Variants in PPP1R3F observed in about 807,000 individuals in gnomAD.
PPP1R3F encodes protein phosphatase 1, regulatory (inhibitor) subunit 3F.
PPP1R3F carries 29 observed loss-of-function variants against 24.2 expected under a neutral mutation model. The observed-to-expected ratio is 1.20, with a 90% CI of 0.89 to 1.63. The LOEUF is 1.63. Among genes scored for constraint, PPP1R3F ranks in the 40% most tolerant of loss-of-function variants. The probability of loss-of-function intolerance (pLI) is 0.00; values close to 1 mark genes in which losing one functional copy is unlikely to be tolerated. For missense variants in PPP1R3F, 823 were observed against 729.3 expected (o/e 1.13, Z -1.48); for synonymous variants, 363 against 340.1 (o/e 1.07, Z -0.74).
intron 3 of PPP1R3F, among the ~76,000 whole-genome samples, chrX:49,300,414 C>T (rs2066334058): frequency 9.3e-6 from 1 of 108,028 alleles, no homozygotes; most frequent in South Asian, 4.0e-4. Flanking sequence ...CACCTTCTGC[C>T]TTGATCTCAC....
rs1557121386 is a variant in PPP1R3F, at chrX:49,286,002, G to A, written c.1312G>A (p.Asp438Asn). The stretch of plus-strand genomic sequence containing the variant: ...CCCCAGAGACCAGGCCTCAGGGCCC[G>A]ATGCGAGCGAGGGGGCCACCGGGCC... ...GSPRDQASGP[D>N]ASEGATGPFL... Residue 438 changes from aspartate to asparagine, a missense_variant, in exon 4 of 4, where the codon GAT becomes AAT. Coordinates refer to ENST00000055335, the MANE Select transcript of PPP1R3F (RefSeq NM_033215.5). The A allele has an allele frequency of 8.4e-6, 10 of 1,186,619 alleles. No individual in the cohort carries two copies. The highest frequency in any genetic ancestry group is 9.1e-6 in the Non-Finnish European group (8 of 880,819).
chrX:49,292,387 T>G (rs782191706), downstream of PPP1R3F, among the ~76,000 whole-genome samples: 3 of 113,196 alleles, frequency 2.7e-5, no homozygotes, highest in Admixed American at 9.3e-5. Flanking sequence ...TTATAGGATT[T>G]TTCCACAAGA....
downstream of PPP1R3F, among the ~76,000 whole-genome samples, chrX:49,292,553 C>T (rs1162215272): frequency 1.8e-5 from 2 of 112,665 alleles, no homozygotes; most frequent in Non-Finnish European, 3.8e-5. Context: ...GCCACCAACC[C>T]CCCAGCCAGA....
In PPP1R3F at chrX:49,285,702, A is replaced by AT. The variant is rs1401082377; in HGVS notation, c.1144-127dup. 6.1e-6 allele frequency: 4 copies of AT among 656,029 alleles called. No homozygotes were observed. In the Middle Eastern group the frequency reaches 1.4e-3, roughly 223 times the overall value. The allele number at this position is 656,029 out of a possible 1,213,427, so 54.1% of individuals were successfully genotyped here. On this transcript the variant is annotated intron_variant, in intron 3 of 3. Transcript: ENST00000055335. ...ACAGTGACAGAGGGCGCTTTAAGGC[A>AT]TTTTTATATAGAAACCCCTGTGGGG...
chrX:49,279,576 T>C (rs1379734557), intron 1 of PPP1R3F, among the ~76,000 whole-genome samples: 1 of 111,479 alleles, frequency 9.0e-6, no homozygotes, highest in Non-Finnish European at 1.9e-5. Context: ...CCCTGATACT[T>C]GAGAGGCTGA....
At chrX:49,272,538 G>A (rs1557119480) in intron 1 of PPP1R3F, among the ~76,000 whole-genome samples, 1 of 112,543 alleles carries the variant, frequency 8.9e-6, no homozygotes, top group African/African-American at 3.2e-5. Context: ...CAGTATTTAG[G>A]GAGCCACACC....
intron 3 of PPP1R3F, among the ~76,000 whole-genome samples, chrX:49,296,006 T>C (rs782387818): frequency 8.9e-6 from 1 of 111,892 alleles, no homozygotes; most frequent in South Asian, 3.7e-4. Flanking sequence ...TGCCAGGTTT[T>C]GGTATCAGGA....
chrX:49,276,357 CCTT>C (rs782124952), intron 1 of PPP1R3F, among the ~76,000 whole-genome samples: 63 of 112,484 alleles, frequency 5.6e-4, no homozygotes, highest in Non-Finnish European at 7.1e-4. Flanking sequence ...ATTATCCCCT[CCTT>C]AGAGATGAGG....
intron 3 of PPP1R3F, among the ~76,000 whole-genome samples, chrX:49,293,598 AG>A (rs781957565): frequency 8.9e-6 from 1 of 112,764 alleles, no homozygotes; most frequent in African/African-American, 3.2e-5. Flanking sequence ...GAAAGAAGCC[AG>A]ATACAAAAGA....
At position 49,286,875 on chromosome X, in the gene PPP1R3F, GA is replaced by G; in HGVS notation, c.2189del (p.Lys730ArgfsTer16). ...CAGGCCTCATGTGAGCTCCCAGGAT[GA>G]AAAGGATGCAGGCCCAAGCCTTGAA... Reference protein sequence around the residue: ...VARPHVSSQDEKDAGPSLEPP... With the variant: ...VARPHVSSQDXKDAGPSLEPP... On this transcript the variant is annotated frameshift_variant, in exon 4 of 4. Coordinates refer to ENST00000055335, the MANE Select transcript of PPP1R3F (RefSeq NM_033215.5). LOFTEE classifies it high-confidence loss of function. 1.7e-6 allele frequency: 2 copies of G among 1,191,591 alleles called. No individual in the cohort carries two copies. Among genetic ancestry groups the G allele is most frequent in the Non-Finnish European group, 2.3e-6 (2 of 884,859 alleles).
chrX:49,292,568 GGCCAGCT>G (rs1471596014), downstream of PPP1R3F, among the ~76,000 whole-genome samples: 4 of 112,766 alleles, frequency 3.5e-5, no homozygotes, highest in Non-Finnish European at 5.6e-5. Flanking sequence ...GCCAGATCCT[GGCCAGCT>G]GCCAGCTCCG....
intron 3 of PPP1R3F, among the ~76,000 whole-genome samples, chrX:49,300,372 C>T (rs1440671225): frequency 4.5e-5 from 5 of 110,033 alleles, no homozygotes; most frequent in Non-Finnish European, 9.5e-5. Context: ...TGAGATGAGC[C>T]GGGTACCTCA....
At chrX:49,270,981 G>T in intron 1 of PPP1R3F, 108 bp downstream of exon 1, 6 of 821,632 alleles carry the variant, frequency 7.3e-6, no homozygotes, top group Non-Finnish European at 1.0e-5. Flanking sequence ...ACAGGGAGGA[G>T]GGTGCATTGA....
downstream of PPP1R3F, among the ~76,000 whole-genome samples, chrX:49,291,055 C>T (rs781789180): frequency 2.7e-5 from 3 of 112,206 alleles, no homozygotes; most frequent in East Asian, 2.8e-4. Context: ...GGCACAATCA[C>T]GGCTCACTGC....
intron 1 of PPP1R3F, among the ~76,000 whole-genome samples, chrX:49,276,845 C>A (rs1203160955): frequency 8.9e-6 from 1 of 112,135 alleles, no homozygotes; most frequent in African/African-American, 3.2e-5. Context: ...ACCTTCAAAC[C>A]CTGTTCTTTT....
chrX:49,275,172 C>G (rs183529617), intron 1 of PPP1R3F: 1 of 111,415 alleles, frequency 9.0e-6, no homozygotes, highest in African/African-American at 3.3e-5. Context: ...CACTTGCTCA[C>G]CCCCGTAAGT....
intron 2 of PPP1R3F, 131 bp from the exon 3 acceptor site, chrX:49,281,850 C>A: frequency 2.1e-6 from 1 of 483,348 alleles, no homozygotes. Flanking sequence ...AAGGGGTACC[C>A]TCTGCTTTAG....
Position 49,270,687 on chromosome X carries a change from G to T in PPP1R3F, c.818G>T (p.Trp273Leu). Residue 273 changes from tryptophan to leucine, a missense_variant, in exon 1 of 4, where the codon TGG (tryptophan) becomes TTG (leucine). Transcript: ENST00000055335. ...TATGAGACCCCTGAGGGCACTTTCTGGGCCAACAACCACGGCCGCAACTAC... is the reference window on the plus strand; with the variant it reads ...TATGAGACCCCTGAGGGCACTTTCTTGGCCAACAACCACGGCCGCAACTAC... ...VRYETPEGTF[W>L]ANNHGRNYTV... 8.3e-7 allele frequency: 1 copy of T among 1,209,284 alleles called. No homozygotes were observed. The highest frequency in any genetic ancestry group is 1.8e-5 in the South Asian group (1 of 56,627).
chrX:49,286,194 G>A lies in PPP1R3F; in HGVS notation c.1504G>A (p.Ala502Thr). 8.3e-7 allele frequency: 1 copy of A among 1,204,133 alleles called. No homozygotes were observed. The highest frequency in any genetic ancestry group is 1.8e-5 in the South Asian group (1 of 55,697). The change falls in exon 4 of 4, where the codon GCT becomes ACT. Residue 502 changes from alanine to threonine, a missense_variant. Coordinates refer to ENST00000055335, the MANE Select transcript of PPP1R3F (RefSeq NM_033215.5). ...YLSHLSRLRA[A>T]VAAGGAGGGG... is the part of the protein sequence containing the mutation. ...GTCTCACCTGAGCCGCCTACGGGCT[G>A]CTGTGGCTGCGGGTGGGGCAGGGGG...
Sources: allele counts gnomAD v4.1 joint callset (sites outside exome capture counted in the v4.1 genomes callset), GRCh38; gene constraint gnomAD v4.1.1; transcripts MANE v1.5; gene names NCBI Gene and HGNC (gene_info 2026-07-23, HGNC 2026-07-21).